Variants in BANF2 observed in about 807,000 individuals in gnomAD.
BANF2 encodes barrier-to-autointegration factor-like protein.
BANF2 carries 4 observed loss-of-function variants against 8.0 expected under a neutral mutation model. The observed-to-expected ratio is 0.50, with a 90% CI of 0.25 to 1.14. BANF2 has a LOEUF of 1.14. Among genes scored for constraint, BANF2 ranks in the 50% most tolerant of loss-of-function variants. The pLI is 0.16. For missense variants in BANF2, 96 were observed against 107.5 expected (o/e 0.89, Z 0.47); for synonymous variants, 50 against 40.6 (o/e 1.23, Z -0.88).
At chr20:17,733,785 G>A (rs1252601970) in intron 3 of BANF2, among the ~76,000 whole-genome samples, 1 of 152,004 alleles carries the variant, frequency 6.6e-6, no homozygotes, top group African/African-American at 2.4e-5. Context: ...TCAACAACTG[G>A]ACCATGACTA....
intron 1 of BANF2, among the ~76,000 whole-genome samples, chr20:17,719,686 T>C (rs73898396): frequency 2.4e-5 from 3 of 122,828 alleles, no homozygotes; most frequent in Non-Finnish European, 3.5e-5. Flanking sequence ...CTTTTTTTAA[T>C]TAAAAAAAAA....
At chr20:17,695,445 C>CAAAAAAAAAAAAA (rs71192401), upstream of BANF2, among the ~76,000 whole-genome samples, 1 of 51,358 alleles carries the variant, frequency 1.9e-5, no homozygotes, top group Non-Finnish European at 3.3e-5. Flanking sequence ...GACCTTGTCT[C>CAAAAAAAAAAAAA]AAAAAAAAAA....
At position 17,725,008 on chromosome 20, in the gene BANF2, C is replaced by G. The variant is rs781157653; in HGVS notation, c.-3-15C>G. On this transcript the variant is annotated splice_polypyrimidine_tract_variant and intron_variant, in intron 2 of 3. Transcript: ENST00000246090. ...GGTATCTGCTAATCCTCCTCTCTCC[C>G]CACTGCTGTCGCAGGAGATGGACAA... The G allele has an allele frequency of 4.1e-5, 65 of 1,602,714 alleles. No individual in the cohort carries two copies. The highest frequency in any genetic ancestry group is 2.2e-5 in the Non-Finnish European group (26 of 1,170,650).
chr20:17,731,044 A>G (rs1385880048), intron 3 of BANF2: 1 of 152,286 alleles, frequency 6.6e-6, no homozygotes, highest in Non-Finnish European at 1.5e-5. Context: ...TGGGAAGATC[A>G]CTTGAGGTCA....
chr20:17,728,227 T>C (rs2037838477), intron 3 of BANF2, among the ~76,000 whole-genome samples: 1 of 152,156 alleles, frequency 6.6e-6, no homozygotes. Context: ...GGTTCCGCCC[T>C]TGCTTGTGAC....
Position 17,722,888 on chromosome 20 carries a change from A to G in BANF2, c.-4+10A>G. 2 of 984,184 alleles carry G rather than the reference A, an allele frequency of 2.0e-6. No individual in the cohort carries two copies. The highest frequency in any genetic ancestry group is 4.7e-5 in the South Asian group (1 of 21,240). The allele number at this position is 984,184 out of a possible 1,614,324, so 61.0% of individuals were successfully genotyped here. On this transcript the variant is annotated intron_variant, in intron 2 of 3. Transcript: ENST00000246090. The stretch of plus-strand genomic sequence containing the variant: ...TCGACTCTGTAGAAAGGTCTGGAGG[A>G]GGATGGGGACAGGAGAGGGGATGGG...
chr20:17,718,349 C>T (rs966894763), intron 1 of BANF2, among the ~76,000 whole-genome samples: 20 of 152,086 alleles, frequency 1.3e-4, no homozygotes, highest in East Asian at 3.9e-4. Flanking sequence ...GGATTACAGG[C>T]GCCCACCACC....
upstream of BANF2, among the ~76,000 whole-genome samples, chr20:17,698,753 A>G (rs1425580687): frequency 6.6e-6 from 1 of 152,208 alleles, no homozygotes; most frequent in Non-Finnish European, 1.5e-5. Context: ...GGGCACTGAC[A>G]ACGTCAGTTG....
rs1207806006 is a variant in BANF2 at position 17,716,777 on chromosome 20, G to T, written c.-166-5939G>T. 2.3e-5 allele frequency among the ~76,000 whole-genome samples: 3 copies of T among 132,108 alleles called. No homozygotes were observed. In the South Asian group the frequency reaches 7.4e-4, roughly 33 times the overall value. 86.7% of individuals were successfully genotyped at this position (132,108 alleles called of 152,430 possible). On this transcript the variant is annotated intron_variant, in intron 1 of 3. Transcript: ENST00000246090. ...AATCTCTTGAGCCCAGGAGGCGGAG[G>T]TTGCAGTGAGCCCAAGATTGTGCCA... is the stretch of plus-strand genomic sequence containing the variant.
At chr20:17,700,430 A>G (rs1320449384) in intron 1 of BANF2, among the ~76,000 whole-genome samples, 2 of 152,058 alleles carry the variant, frequency 1.3e-5, no homozygotes, top group African/African-American at 4.8e-5. Flanking sequence ...AGGGACAGCC[A>G]TTGGCCAAAT....
rs564114281 is a variant in BANF2, at chr20:17,720,156, C to T, written c.-166-2560C>T. On this transcript the variant is annotated intron_variant, in intron 1 of 3. Transcript: ENST00000246090. ...TAAGAATAAGTGCCACTGGTACAGC[C>T]GCTTGGAAAACAGTATGGCAATTCC... Among the ~76,000 whole-genome samples, 11 of 152,172 alleles carry T rather than the reference C, an allele frequency of 7.2e-5. No homozygotes were observed. The South Asian group carries it at 1.7e-3, about 23-fold the overall frequency.
At chr20:17,701,672 A>C (rs946079913) in intron 1 of BANF2, among the ~76,000 whole-genome samples, 1 of 152,164 alleles carries the variant, frequency 6.6e-6, no homozygotes, top group Non-Finnish European at 1.5e-5. Flanking sequence ...TCTGCGATTG[A>C]ACTCAGGTGG....
chr20:17,698,050 C>CA (rs553637543), upstream of BANF2, among the ~76,000 whole-genome samples: 2 of 151,794 alleles, frequency 1.3e-5, no homozygotes, highest in South Asian at 2.1e-4. Flanking sequence ...ACTAAAAATA[C>CA]AAAAAAATTA....
At chr20:17,723,712 C>T (rs918785993) in intron 2 of BANF2, among the ~76,000 whole-genome samples, 3 of 152,074 alleles carry the variant, frequency 2.0e-5, no homozygotes, top group Non-Finnish European at 4.4e-5. Flanking sequence ...TGGAAGATGG[C>T]GGCCGGGCGC....
At chr20:17,731,555 A>T (rs1202208632) in intron 3 of BANF2, 1 of 151,710 alleles carries the variant, frequency 6.6e-6, no homozygotes, top group African/African-American at 2.4e-5. Flanking sequence ...CCAGCTATTT[A>T]ATTTTTAGGG....
At chr20:17,698,556 G>T (rs1211366317), upstream of BANF2, among the ~76,000 whole-genome samples, 1 of 152,230 alleles carries the variant, frequency 6.6e-6, no homozygotes, top group Middle Eastern at 3.2e-3. Context: ...AGGGAGCTGG[G>T]TTATTTATCT....
chr20:17,696,762 G>A (rs902847582), upstream of BANF2, among the ~76,000 whole-genome samples: 16 of 152,304 alleles, frequency 1.1e-4, no homozygotes, highest in Middle Eastern at 6.8e-3. Flanking sequence ...TGGGTGCCAT[G>A]TTGCTAAAGA....
chr20:17,695,339 G>A (rs755979808), upstream of BANF2, among the ~76,000 whole-genome samples: 39 of 150,842 alleles, frequency 2.6e-4, no homozygotes, highest in Middle Eastern at 3.4e-3. Flanking sequence ...GTAATTACTC[G>A]GGAGGCTGAG....
chr20:17,704,775 G>T (rs1025357389), intron 1 of BANF2, among the ~76,000 whole-genome samples: 3 of 152,206 alleles, frequency 2.0e-5, no homozygotes, highest in South Asian at 4.1e-4. Flanking sequence ...AGCACATATG[G>T]CTTCAGGACT....
Sources: allele counts gnomAD v4.1 joint callset (sites outside exome capture counted in the v4.1 genomes callset), GRCh38; gene constraint gnomAD v4.1.1; transcripts MANE v1.5; gene names NCBI Gene and HGNC (gene_info 2026-07-23, HGNC 2026-07-21).